The following TENM3 variants were observed in gnomAD, a reference collection of about 807,000 sequenced individuals.
TENM3 encodes the protein teneurin transmembrane protein 3, also known as teneurin-3.
TENM3 carries 63 observed loss-of-function variants against 255.1 expected under a neutral mutation model. That is an observed-to-expected ratio of 0.25 (90% CI 0.20 to 0.30). The LOEUF (loss-of-function observed/expected upper bound fraction) is 0.30. Among genes scored for constraint, TENM3 ranks in the 10% least tolerant of loss-of-function variants. The pLI is 1.00. For missense variants in TENM3, 2,929 were observed against 3,461.1 expected (o/e 0.85, Z 3.86); for synonymous variants, 1,306 against 1,322.3 (o/e 0.99, Z 0.27).
chr4:182,272,857 T>C (rs1386282960), intron 1 of TENM3, among the ~76,000 whole-genome samples: 1 of 152,062 alleles, frequency 6.6e-6, no homozygotes, highest in Admixed American at 6.6e-5. Context: ...TGAGAGAGAA[T>C]GGCTGAGTGA....
chr4:182,287,024 C>T (rs1760776251), intron 1 of TENM3, among the ~76,000 whole-genome samples: 1 of 152,134 alleles, frequency 6.6e-6, no homozygotes, highest in African/African-American at 2.4e-5. Flanking sequence ...GCCAGGAGTT[C>T]AAGACCAGCC....
the TENM3 span, among the ~76,000 whole-genome samples, chr4:181,641,548 G>GTA: frequency 6.9e-5 from 1 of 14,418 alleles, no homozygotes; most frequent in African/African-American, 2.9e-4. Flanking sequence ...ATTCCATGGT[G>GTA]TGTGTGTATA....
chr4:181,786,340 A>G, the TENM3 span, among the ~76,000 whole-genome samples: 1 of 152,276 alleles, frequency 6.6e-6, no homozygotes, highest in South Asian at 2.1e-4. Flanking sequence ...AGACACACAA[A>G]ATGTATTCAT....
At chr4:182,403,693 G>A (rs1769359115) in intron 3 of TENM3, among the ~76,000 whole-genome samples, 1 of 152,156 alleles carries the variant, frequency 6.6e-6, no homozygotes, top group Non-Finnish European at 1.5e-5. Context: ...AACCGATGTA[G>A]TTTAATAGCA....
chr4:181,893,927 C>T, the TENM3 span, among the ~76,000 whole-genome samples: 21 of 151,644 alleles, frequency 1.4e-4, no homozygotes, highest in Non-Finnish European at 2.8e-4. Flanking sequence ...ATTTTTATTG[C>T]TCATAAAACT....
At chr4:181,543,573 A>G in the TENM3 span, among the ~76,000 whole-genome samples, 1 of 152,186 alleles carries the variant, frequency 6.6e-6, no homozygotes, top group Non-Finnish European at 1.5e-5. Context: ...TGACTTTGAC[A>G]ATATTAATCC....
chr4:182,309,987 T>C (rs1762351412), intron 1 of TENM3, among the ~76,000 whole-genome samples: 1 of 152,204 alleles, frequency 6.6e-6, no homozygotes, highest in Admixed American at 6.5e-5. Context: ...TGTCATATGC[T>C]TTTTGGATAA....
chr4:182,118,890 T>C, the TENM3 span, among the ~76,000 whole-genome samples: 1 of 152,184 alleles, frequency 6.6e-6, no homozygotes, highest in Non-Finnish European at 1.5e-5. Context: ...TCTGTGCTCA[T>C]GAGAGATTTG....
the TENM3 span, among the ~76,000 whole-genome samples, chr4:181,771,744 G>A: frequency 2.0e-5 from 3 of 152,176 alleles, no homozygotes; most frequent in African/African-American, 4.8e-5. Context: ...GAGATTCTGC[G>A]TTTCTATCTA....
the TENM3 span, among the ~76,000 whole-genome samples, chr4:182,121,865 C>A: frequency 5.5e-4 from 84 of 152,188 alleles, no homozygotes; most frequent in Non-Finnish European, 7.2e-4. Context: ...CAAGAGATTT[C>A]TCCATAGTGT....
the TENM3 span, among the ~76,000 whole-genome samples, chr4:181,849,930 TTCTCTCTC>T: frequency 3.6e-5 from 3 of 84,022 alleles, no homozygotes; most frequent in African/African-American, 1.2e-4. Context: ...CTCTCTCTCT[TTCTCTCTC>T]TCTCTCTCTC....
At chr4:181,517,536 T>C in the TENM3 span, among the ~76,000 whole-genome samples, 1 of 152,366 alleles carries the variant, frequency 6.6e-6, no homozygotes, top group South Asian at 2.1e-4. Flanking sequence ...GCTACAGGAC[T>C]CAGGATATTA....
chr4:181,869,532 GGGAT>G, the TENM3 span, among the ~76,000 whole-genome samples: 3 of 151,978 alleles, frequency 2.0e-5, no homozygotes, highest in Non-Finnish European at 4.4e-5. Flanking sequence ...AAATGCTGAG[GGGAT>G]GGATACACCC....
At chr4:181,949,012 C>T in the TENM3 span, among the ~76,000 whole-genome samples, 1 of 151,966 alleles carries the variant, frequency 6.6e-6, no homozygotes, top group African/African-American at 2.4e-5. Context: ...TAGATTTACC[C>T]GCCAGTACAA....
the TENM3 span, among the ~76,000 whole-genome samples, chr4:181,940,906 G>C: frequency 2.6e-5 from 4 of 152,244 alleles, no homozygotes; most frequent in Non-Finnish European, 5.9e-5. Flanking sequence ...ATCAGTGTTT[G>C]TGTTGGCAAG....
At chr4:182,582,649 T>G (rs1358226208) in intron 3 of TENM3, among the ~76,000 whole-genome samples, 1 of 152,084 alleles carries the variant, frequency 6.6e-6, no homozygotes. Flanking sequence ...ACTATATAAG[T>G]CCTTTTTTTA....
intron 11 of TENM3, among the ~76,000 whole-genome samples, chr4:182,686,834 C>G (rs191597634): frequency 2.2e-4 from 33 of 152,210 alleles, no homozygotes; most frequent in Admixed American, 2.0e-3. Context: ...AGAAAGAACC[C>G]TCTCACTTCT....
chr4:182,224,790 G>A (rs893416274), intron 1 of TENM3, among the ~76,000 whole-genome samples: 22 of 149,866 alleles, frequency 1.5e-4, no homozygotes, highest in African/African-American at 5.2e-4. Flanking sequence ...TGGCTGGAGT[G>A]CAGTGGCACG....
At chr4:182,148,850 A>G (rs765718870) in intron 1 of TENM3, among the ~76,000 whole-genome samples, 2 of 151,878 alleles carry the variant, frequency 1.3e-5, no homozygotes, top group African/African-American at 2.4e-5. Context: ...CCACTTTAAG[A>G]TTTTCTTGGG....
Sources: allele counts gnomAD v4.1 joint callset (sites outside exome capture counted in the v4.1 genomes callset), GRCh38; gene constraint gnomAD v4.1.1; transcripts MANE v1.5; gene names NCBI Gene and HGNC (gene_info 2026-07-23, HGNC 2026-07-21).